The following PITPNC1 variants were observed in gnomAD, a reference collection of about 807,000 sequenced individuals.
The protein encoded by PITPNC1 is cytoplasmic phosphatidylinositol transfer protein 1.
A neutral mutation model predicts 44.7 loss-of-function variants in PITPNC1; 18 were observed. That is an observed-to-expected ratio of 0.40 (90% CI 0.28 to 0.60). The LOEUF (loss-of-function observed/expected upper bound fraction) is 0.60. Among genes scored for constraint, PITPNC1 ranks in the 20% least tolerant of loss-of-function variants. PITPNC1 has a pLI of 0.39. For synonymous variants in PITPNC1, 141 were observed against 149.6 expected (o/e 0.94, Z 0.42); for missense variants, 290 against 418.4 (o/e 0.69, Z 2.68).
intron 4 of PITPNC1, among the ~76,000 whole-genome samples, chr17:67,554,834 A>G (rs2570047): frequency 0.048 from 7,334 of 152,264 alleles, 551 homozygotes; most frequent in African/African-American, 0.17. Context: ...CAGAATTCCT[A>G]AGCGACTGGC....
chr17:67,582,568 G>A lies in PITPNC1; in HGVS notation c.366+4311G>A, dbSNP rs187245099. Among the ~76,000 whole-genome samples, 89 of 145,536 alleles carry A rather than the reference G, an allele frequency of 6.1e-4. 1 individual carries two copies. Among genetic ancestry groups the A allele is most frequent in the Admixed American group, 2.1e-3 (31 of 14,524 alleles). Reference sequence around the variant, plus strand: ...ATTACCATATAAGTAATTTTTTGACGTGACCCAATATCTAGTAAAAAAAAA... The same window carrying A: ...ATTACCATATAAGTAATTTTTTGACATGACCCAATATCTAGTAAAAAAAAA... On this transcript the variant is annotated intron_variant, in intron 5 of 8. Transcript: ENST00000581322.
intron 2 of PITPNC1, among the ~76,000 whole-genome samples, chr17:67,548,438 A>G (rs1264089630): frequency 6.6e-6 from 1 of 152,104 alleles, no homozygotes; most frequent in East Asian, 1.9e-4. Context: ...TAAAAATACA[A>G]AAATAAGCCT....
rs548189345 is a variant in PITPNC1, at chr17:67,693,020, A to T, written c.*132A>T. On this transcript the variant is annotated 3_prime_UTR_variant, in exon 9 of 9. Transcript: ENST00000581322. ...CCTTCGACCTTTCAGTGTGCATGTGACTCAGTAACTTCACATAGAATATGA... is the reference window on the plus strand; with the variant it reads ...CCTTCGACCTTTCAGTGTGCATGTGTCTCAGTAACTTCACATAGAATATGA... 2 of 624,530 alleles carry T rather than the reference A, an allele frequency of 3.2e-6. No homozygotes were observed. The highest frequency in any genetic ancestry group is 5.8e-5 in the Admixed American group (2 of 34,502). 38.7% of individuals were successfully genotyped at this position (624,530 alleles called of 1,614,324 possible). A position where few individuals can be genotyped will look rare whatever the true frequency, so the allele number is the denominator to read the frequency against.
intron 6 of PITPNC1, among the ~76,000 whole-genome samples, chr17:67,663,397 C>T (rs980815189): frequency 6.6e-6 from 1 of 151,928 alleles, no homozygotes; most frequent in African/African-American, 2.4e-5. Context: ...GTGAAACCCC[C>T]GTCTCTCCTA....
rs187464503 is a variant in PITPNC1 at position 67,579,701 on chromosome 17, G to T, written c.366+1444G>T. ...CGCCTGTAATCCTAGCATGTTGGGA[G>T]GCCAAGGTGGGCAGATTGTCTGAGC... On this transcript the variant is annotated intron_variant, in intron 5 of 8. Transcript: ENST00000581322. Among the ~76,000 whole-genome samples the T allele has an allele frequency of 1.6e-3, 232 of 149,032 alleles. 3 individuals are homozygous for T. The highest frequency in any genetic ancestry group is 5.1e-3 in the African/African-American group (206 of 40,420).
At position 67,610,083 on chromosome 17, in the gene PITPNC1, C is replaced by G. The variant is rs575322519; in HGVS notation, c.367-22060C>G. On this transcript the variant is annotated intron_variant, in intron 5 of 8. Transcript: ENST00000581322. ...CGGCCACTACTTTCCTCTGTCGTTC[C>G]GCTATTCCATGCTCCCTGCCTCAAA... is the stretch of plus-strand genomic sequence containing the variant. Among the ~76,000 whole-genome samples the G allele has an allele frequency of 1.6e-4, 25 of 152,286 alleles. 1 individual carries two copies. Among genetic ancestry groups the G allele is most frequent in the Admixed American group, 1.6e-3 (24 of 15,298 alleles).
intron 5 of PITPNC1, among the ~76,000 whole-genome samples, chr17:67,599,018 ATATATATATATATATATTTTTTT>A (rs2041499368): frequency 2.8e-5 from 1 of 35,966 alleles, no homozygotes; most frequent in African/African-American, 1.4e-4. Flanking sequence ...ATATATATAT[ATATATATATATATATATTTTTTT>A]TTTTTTTTTT....
intron 3 of PITPNC1, chr17:67,553,385 G>A (rs899346093): frequency 2.8e-5 from 10 of 362,246 alleles, no homozygotes; most frequent in African/African-American, 2.1e-4. Context: ...ATTGAATCTT[G>A]TCTTACTGTT....
chr17:67,501,391 A>G (rs573459089), intron 1 of PITPNC1, among the ~76,000 whole-genome samples: 5 of 152,276 alleles, frequency 3.3e-5, no homozygotes, highest in East Asian at 3.9e-4. Flanking sequence ...TCTGGCTCCA[A>G]TCTACCAGCC....
intron 1 of PITPNC1, among the ~76,000 whole-genome samples, chr17:67,531,836 C>T (rs1283540068): frequency 2.0e-5 from 3 of 152,124 alleles, no homozygotes; most frequent in Non-Finnish European, 4.4e-5. Context: ...CATCGTCCTG[C>T]GTCCTGACTC....
intron 1 of PITPNC1, among the ~76,000 whole-genome samples, chr17:67,380,720 G>T (rs2143774437): frequency 6.6e-6 from 1 of 152,208 alleles, no homozygotes; most frequent in Non-Finnish European, 1.5e-5. Flanking sequence ...TGAAAATGAG[G>T]AAGCAACTTG....
chr17:67,428,197 T>A (rs527252845), intron 1 of PITPNC1, among the ~76,000 whole-genome samples: 2 of 151,742 alleles, frequency 1.3e-5, no homozygotes, highest in South Asian at 4.2e-4. Flanking sequence ...CTTTAGAGGG[T>A]TTAGGAATAT....
chr17:67,401,715 G>A (rs1341853611), intron 1 of PITPNC1, among the ~76,000 whole-genome samples: 1 of 151,826 alleles, frequency 6.6e-6, no homozygotes, highest in Non-Finnish European at 1.5e-5. Context: ...CTGGTGGTGG[G>A]CGCCTGTAAT....
At chr17:67,447,089 CAAAAAAAAAAA>C (rs749024248) in intron 1 of PITPNC1, among the ~76,000 whole-genome samples, 10 of 35,344 alleles carry the variant, frequency 2.8e-4, no homozygotes, top group South Asian at 1.9e-3. Flanking sequence ...GACTCTGTCT[CAAAAAAAAAAA>C]AAAAAAAAAA....
intron 8 of PITPNC1, among the ~76,000 whole-genome samples, chr17:67,677,967 C>T (rs141101901): frequency 6.6e-6 from 1 of 150,712 alleles, no homozygotes; most frequent in Admixed American, 6.6e-5. Flanking sequence ...AATCCCAGCA[C>T]TTTGGGAAGC....
intron 8 of PITPNC1, among the ~76,000 whole-genome samples, chr17:67,685,977 C>T (rs1378863219): frequency 2.0e-5 from 3 of 151,720 alleles, no homozygotes; most frequent in Admixed American, 6.6e-5. Flanking sequence ...ATTACAGGCG[C>T]CCTCCACCAT....
intron 1 of PITPNC1, among the ~76,000 whole-genome samples, chr17:67,409,496 A>G (rs1309745199): frequency 1.3e-5 from 2 of 150,732 alleles, no homozygotes; most frequent in Admixed American, 6.6e-5. Flanking sequence ...CAACATTTTG[A>G]TCCTGAAATT....
intron 1 of PITPNC1, among the ~76,000 whole-genome samples, chr17:67,395,350 C>A (rs1028378607): frequency 2.6e-5 from 4 of 151,922 alleles, no homozygotes; most frequent in Admixed American, 6.6e-5. Context: ...TGTCTTGTTA[C>A]ATTGCCCAGG....
intron 1 of PITPNC1, among the ~76,000 whole-genome samples, chr17:67,414,548 A>G (rs1426339613): frequency 6.6e-6 from 1 of 152,158 alleles, no homozygotes; most frequent in Non-Finnish European, 1.5e-5. Flanking sequence ...ATTCCAGCCC[A>G]TCACCTCTTC....
Sources: allele counts gnomAD v4.1 joint callset (sites outside exome capture counted in the v4.1 genomes callset), GRCh38; gene constraint gnomAD v4.1.1; transcripts MANE v1.5; gene names NCBI Gene and HGNC (gene_info 2026-07-23, HGNC 2026-07-21).